The following THSD7A variants were observed in gnomAD, a reference collection of about 807,000 sequenced individuals.
THSD7A encodes thrombospondin type-1 domain-containing protein 7A.
In THSD7A, 96 loss-of-function variants were observed where a neutral mutation model predicts 231.3. That is an observed-to-expected ratio of 0.41 (90% CI 0.35 to 0.49). THSD7A has a LOEUF of 0.49. Among genes scored for constraint, THSD7A ranks in the 20% least tolerant of loss-of-function variants. The pLI is 0.05. For synonymous variants in THSD7A, 940 were observed against 743.3 expected (o/e 1.26, Z -4.30); for missense variants, 2,290 against 2,070.2 (o/e 1.11, Z -2.06).
intron 1 of THSD7A, among the ~76,000 whole-genome samples, chr7:11,766,248 A>C (rs1370175648): frequency 6.6e-6 from 1 of 152,208 alleles, no homozygotes; most frequent in East Asian, 1.9e-4. Context: ...TTGACCAGTC[A>C]CTTAACAAGA....
In THSD7A at chr7:11,474,819, T is replaced by A. The variant is rs184141663; in HGVS notation, c.2018-251A>T. On this transcript the variant is annotated intron_variant, in intron 7 of 27. Transcript: ENST00000423059. The surrounding 1 kb of genome is among the most constrained non-coding windows in gnomAD (Gnocchi z 4.1). ...GTAGTAGGGGAGATAAGGATACAAATGAGTATAATTCTAGATAGAATGAAA... is the reference window on the plus strand; with the variant it reads ...GTAGTAGGGGAGATAAGGATACAAAAGAGTATAATTCTAGATAGAATGAAA... Among the ~76,000 whole-genome samples, 48 of 152,126 alleles carry A rather than the reference T, an allele frequency of 3.2e-4. No individual in the cohort carries two copies. Among genetic ancestry groups the A allele is most frequent in the South Asian group, 1.4e-3 (7 of 4,832 alleles).
intron 2 of THSD7A, among the ~76,000 whole-genome samples, chr7:11,606,153 T>C (rs1373211525): frequency 6.6e-6 from 1 of 152,084 alleles, no homozygotes; most frequent in Non-Finnish European, 1.5e-5. Flanking sequence ...TTACAGCAAT[T>C]TGAAATTGCT....
In THSD7A at chr7:11,474,289, C is replaced by A. The variant is rs769579424; in HGVS notation, c.2252+45G>T. Reference sequence around the variant, plus strand: ...CAGTGAAGCCTGAGCCAATCCTCTGCACAGGTGGCTACACGATTTACTGTT... The same window carrying A: ...CAGTGAAGCCTGAGCCAATCCTCTGAACAGGTGGCTACACGATTTACTGTT... On this transcript the variant is annotated intron_variant, in intron 8 of 27. Coordinates refer to ENST00000423059, the MANE Select transcript of THSD7A (RefSeq NM_015204.3). This position sits in a 1 kb window ranked among gnomAD's most constrained non-coding sequence, Gnocchi z 4.1. 6.6e-7 allele frequency: 1 copy of A among 1,522,422 alleles called. No individual in the cohort carries two copies. The highest frequency in any genetic ancestry group is 1.2e-5 in the South Asian group (1 of 81,242). The allele number at this position is 1,522,422 out of a possible 1,614,324, so 94.3% of individuals were successfully genotyped here. A position where few individuals can be genotyped will look rare whatever the true frequency, so the allele number is the denominator to read the frequency against.
chr7:11,697,290 CA>C lies in THSD7A; in HGVS notation c.191-60330del, dbSNP rs1365635718. Reference sequence around the variant, plus strand: ...CCTGGAATAACCTCTCCACTTTACTCAGACTGTCAACTACCCATTAACTCTG... The same window carrying C: ...CCTGGAATAACCTCTCCACTTTACTCGACTGTCAACTACCCATTAACTCTG... On this transcript the variant is annotated intron_variant, in intron 1 of 27. Transcript: ENST00000423059. 5.9e-5 allele frequency among the ~76,000 whole-genome samples: 9 copies of C among 151,412 alleles called. No individual in the cohort carries two copies. The East Asian group carries it at 1.8e-3, about 30-fold the overall frequency.
intron 6 of THSD7A, among the ~76,000 whole-genome samples, chr7:11,525,745 C>T (rs1562685489): frequency 1.3e-5 from 2 of 152,182 alleles, no homozygotes; most frequent in African/African-American, 4.8e-5. Flanking sequence ...TACAATATGA[C>T]TTCTATTCTT....
intron 9 of THSD7A, among the ~76,000 whole-genome samples, chr7:11,469,343 G>A (rs1483763607): frequency 1.3e-5 from 2 of 152,070 alleles, no homozygotes; most frequent in Non-Finnish European, 2.9e-5. Context: ...TTGTCTGTAA[G>A]TAATAAAAGC....
rs1786082466 is a variant in THSD7A, at chr7:11,474,652, T to C, written c.2018-84A>G. On this transcript the variant is annotated intron_variant, in intron 7 of 27. Transcript: ENST00000423059. The surrounding 1 kb of genome is among the most constrained non-coding windows in gnomAD (Gnocchi z 4.1). ...CTCTGTTCTTTGGAATTAACATGGC[T>C]TAGAAATAAAAAGTGACTTTTCTTC... The C allele has an allele frequency of 8.8e-7, 1 of 1,135,072 alleles. No homozygotes were observed. Among genetic ancestry groups the C allele is most frequent in the African/African-American group, 1.6e-5 (1 of 63,944 alleles). 70.3% of individuals were successfully genotyped at this position (1,135,072 alleles called of 1,614,324 possible). A position where few individuals can be genotyped will look rare whatever the true frequency, so the allele number is the denominator to read the frequency against.
At chr7:11,399,501 T>G (rs1783317302) in intron 23 of THSD7A, among the ~76,000 whole-genome samples, 1 of 152,226 alleles carries the variant, frequency 6.6e-6, no homozygotes, top group Non-Finnish European at 1.5e-5. Context: ...CCATGTTGGT[T>G]GCATTCCATT....
intron 2 of THSD7A, among the ~76,000 whole-genome samples, chr7:11,594,895 T>C (rs1032821650): frequency 1.3e-5 from 2 of 152,134 alleles, no homozygotes; most frequent in African/African-American, 4.8e-5. Flanking sequence ...GGGCATTGAT[T>C]GGAAAAGAAT....
chr7:11,428,910 T>C (rs1355875313), intron 14 of THSD7A, 37 bp downstream of exon 14: 1 of 1,553,120 alleles, frequency 6.4e-7, no homozygotes, highest in Non-Finnish European at 8.6e-7. Context: ...ATTGTGAATC[T>C]CAACAATATC....
At chr7:11,560,517 A>T (rs1416685011) in intron 4 of THSD7A, among the ~76,000 whole-genome samples, 1 of 152,174 alleles carries the variant, frequency 6.6e-6, no homozygotes. Flanking sequence ...CAGCTAATAT[A>T]AATGAGTTCT....
At chr7:11,641,398 C>G (rs996227338) in intron 1 of THSD7A, among the ~76,000 whole-genome samples, 1 of 151,914 alleles carries the variant, frequency 6.6e-6, no homozygotes, top group Non-Finnish European at 1.5e-5. Context: ...GATGTCAGTG[C>G]CAGCGGGAAT....
intron 23 of THSD7A, among the ~76,000 whole-genome samples, chr7:11,387,965 G>A (rs1236145689): frequency 6.6e-6 from 1 of 151,894 alleles, no homozygotes; most frequent in African/African-American, 2.4e-5. Flanking sequence ...TAATCATGTG[G>A]TTTTTGTCAT....
intron 23 of THSD7A, chr7:11,384,629 C>T (rs1192572310): frequency 1.3e-5 from 2 of 152,038 alleles, no homozygotes; most frequent in East Asian, 3.8e-4. Context: ...GACTTTCCCT[C>T]TGCCACTTAC....
chr7:11,378,743 C>T lies in THSD7A; in HGVS notation c.4801+327G>A, dbSNP rs772943878. ...TCTCCTTTATCCTAGTTCTGAATGA[C>T]AACACATTTTTTAAAATTCATGTTT... On this transcript the variant is annotated intron_variant, in intron 26 of 27. Transcript: ENST00000423059. The T allele has an allele frequency of 2.1e-4, 62 of 292,130 alleles. 1 individual carries two copies. The highest frequency in any genetic ancestry group is 9.2e-4 in the South Asian group (22 of 23,976). 18.1% of individuals were successfully genotyped at this position (292,130 alleles called of 1,614,324 possible).
rs372353738 is a variant in THSD7A, at chr7:11,641,053, A to C, written c.191-4092T>G. Among the ~76,000 whole-genome samples, 6 of 152,252 alleles carry C rather than the reference A, an allele frequency of 3.9e-5. No homozygotes were observed. The East Asian group carries it at 1.2e-3, about 29-fold the overall frequency. On this transcript the variant is annotated intron_variant, in intron 1 of 27. Coordinates refer to ENST00000423059, the MANE Select transcript of THSD7A (RefSeq NM_015204.3). ...ATAGTTTTTTGATCACTTAATTTAA[A>C]ATTACCATTTGACATATAGAAATAT...
intron 13 of THSD7A, among the ~76,000 whole-genome samples, chr7:11,442,772 C>T (rs1159331787): frequency 6.6e-6 from 1 of 152,028 alleles, no homozygotes; most frequent in African/African-American, 2.4e-5. Flanking sequence ...ATTGGACATT[C>T]CGTCAGATAC....
intron 6 of THSD7A, among the ~76,000 whole-genome samples, chr7:11,486,543 T>G (rs775176821): frequency 3.3e-5 from 5 of 152,216 alleles, no homozygotes; most frequent in Non-Finnish European, 7.3e-5. Flanking sequence ...CACATCTGAT[T>G]ATCACTACTG....
chr7:11,606,478 G>A (rs1023842061), intron 2 of THSD7A, among the ~76,000 whole-genome samples: 5 of 152,160 alleles, frequency 3.3e-5, no homozygotes, highest in Non-Finnish European at 7.4e-5. Flanking sequence ...ACTGTGATAA[G>A]CTTGTATGAC....
Sources: gnomAD v4.1 joint callset for allele counts (sites outside exome capture counted in the v4.1 genomes callset) on GRCh38, gnomAD v4.1.1 for gene constraint, Gnocchi (gnomAD v3.1) non-coding constraint, MANE v1.5 for transcripts, NCBI Gene and HGNC (gene_info 2026-07-23, HGNC 2026-07-21) for gene names.